Variants in SLC24A2 observed in about 807,000 individuals in gnomAD.
The protein encoded by SLC24A2 is sodium/potassium/calcium exchanger 2.
A neutral mutation model predicts 62.0 loss-of-function variants in SLC24A2; 36 were observed. The ratio of observed to expected loss-of-function variants is 0.58; its 90% CI spans 0.44 to 0.77. The LOEUF is 0.77. SLC24A2 is among the 30% of genes least tolerant of loss of function. The probability of loss-of-function intolerance (pLI) is 0.00; values close to 1 mark genes in which losing one functional copy is unlikely to be tolerated. For synonymous variants in SLC24A2, 358 were observed against 294.0 expected, an observed-to-expected ratio of 1.22 and a Z score of -2.23; for missense variants, 846 against 817.9, an observed-to-expected ratio of 1.03 and a Z score of -0.42.
At chr9:20,284,616 G>C in the SLC24A2 span, among the ~76,000 whole-genome samples, 1 of 152,084 alleles carries the variant, frequency 6.6e-6, no homozygotes, top group Non-Finnish European at 1.5e-5. Flanking sequence ...CAAAAGAAGA[G>C]ATTTTTTTAA....
the SLC24A2 span, among the ~76,000 whole-genome samples, chr9:19,978,341 C>G: frequency 6.6e-6 from 1 of 152,054 alleles, no homozygotes; most frequent in South Asian, 2.1e-4. Flanking sequence ...ATGATAAATT[C>G]TTATGAACTA....
the SLC24A2 span, among the ~76,000 whole-genome samples, chr9:20,032,533 C>G: frequency 6.6e-6 from 1 of 152,084 alleles, no homozygotes; most frequent in Non-Finnish European, 1.5e-5. Context: ...GCCCAAGGGT[C>G]GGGTTACCAT....
At chr9:20,006,938 C>T in the SLC24A2 span, among the ~76,000 whole-genome samples, 9 of 152,124 alleles carry the variant, frequency 5.9e-5, no homozygotes, top group African/African-American at 1.9e-4. Flanking sequence ...AAAGAAAATA[C>T]ATATCAAGGA....
chr9:19,791,593 A>G (rs997278530), upstream of SLC24A2, among the ~76,000 whole-genome samples: 12 of 152,222 alleles, frequency 7.9e-5, no homozygotes, highest in African/African-American at 2.4e-4. Flanking sequence ...GAAGGCTACA[A>G]CTTCCATCCT....
chr9:19,886,050 G>A, the SLC24A2 span, among the ~76,000 whole-genome samples: 2 of 152,156 alleles, frequency 1.3e-5, no homozygotes, highest in Admixed American at 6.5e-5. Flanking sequence ...ATAGTGCTGC[G>A]AGGAACATAT....
chr9:20,230,483 A>G, the SLC24A2 span, among the ~76,000 whole-genome samples: 1 of 152,230 alleles, frequency 6.6e-6, no homozygotes, highest in Non-Finnish European at 1.5e-5. Flanking sequence ...TCTGATGGCC[A>G]GTGATGATGA....
the SLC24A2 span, among the ~76,000 whole-genome samples, chr9:20,119,627 AT>A: frequency 1.3e-5 from 2 of 152,224 alleles, no homozygotes; most frequent in African/African-American, 4.8e-5. Flanking sequence ...AAGAGCAACC[AT>A]AAAAAGCCTA....
intron 10 of SLC24A2, among the ~76,000 whole-genome samples, chr9:19,519,373 G>A (rs1833085010): frequency 6.6e-6 from 1 of 151,780 alleles, no homozygotes; most frequent in African/African-American, 2.4e-5. Context: ...GTGTGTGTGT[G>A]TGTATGTATA....
chr9:20,036,148 C>T, the SLC24A2 span, among the ~76,000 whole-genome samples: 18 of 152,072 alleles, frequency 1.2e-4, no homozygotes, highest in Admixed American at 8.5e-4. Context: ...ACCTCCCAAG[C>T]GGCAATAACA....
the SLC24A2 span, among the ~76,000 whole-genome samples, chr9:20,077,203 A>T: frequency 6.6e-6 from 1 of 151,988 alleles, no homozygotes. Context: ...TGTAGGGTGA[A>T]GGAGTCTAGA....
chr9:19,626,670 C>A (rs996509825), intron 2 of SLC24A2, among the ~76,000 whole-genome samples: 1 of 151,996 alleles, frequency 6.6e-6, no homozygotes, highest in Non-Finnish European at 1.5e-5. Flanking sequence ...ATCCAATATT[C>A]CAATGGACAT....
chr9:20,214,928 T>C, the SLC24A2 span, among the ~76,000 whole-genome samples: 2 of 152,248 alleles, frequency 1.3e-5, no homozygotes, highest in African/African-American at 4.8e-5. Context: ...CTTATTTATA[T>C]AGATACAAAA....
chr9:19,717,932 T>C (rs1263423819), intron 2 of SLC24A2, among the ~76,000 whole-genome samples: 1 of 151,884 alleles, frequency 6.6e-6, no homozygotes, highest in African/African-American at 2.4e-5. Context: ...CTAATCAGAT[T>C]GGGATGTCTA....
At chr9:20,119,750 A>G in the SLC24A2 span, among the ~76,000 whole-genome samples, 2 of 152,192 alleles carry the variant, frequency 1.3e-5, no homozygotes, top group Non-Finnish European at 2.9e-5. Flanking sequence ...AGGAGTTCCC[A>G]TACAGTGCAA....
intron 2 of SLC24A2, among the ~76,000 whole-genome samples, chr9:19,696,002 T>A (rs1480266979): frequency 6.6e-6 from 1 of 152,178 alleles, no homozygotes. Flanking sequence ...GTCTGTGGCC[T>A]GTTAAGAACC....
chr9:19,978,928 A>G, the SLC24A2 span, among the ~76,000 whole-genome samples: 1 of 152,196 alleles, frequency 6.6e-6, no homozygotes, highest in East Asian at 1.9e-4. Flanking sequence ...TCCTGGTGGA[A>G]GAAGACTTAA....
chr9:20,299,978 G>C, the SLC24A2 span, among the ~76,000 whole-genome samples: 1 of 152,174 alleles, frequency 6.6e-6, no homozygotes, highest in Admixed American at 6.5e-5. Context: ...AATTGGACCA[G>C]GATCTGCTTT....
At chr9:20,228,569 G>A in the SLC24A2 span, among the ~76,000 whole-genome samples, 2 of 152,126 alleles carry the variant, frequency 1.3e-5, no homozygotes, top group Non-Finnish European at 2.9e-5. Context: ...TTGCTGTAGG[G>A]TGGGTGCATT....
intron 4 of SLC24A2, 34 bp from the exon 5 acceptor site, chr9:19,597,313 G>A (rs755200300): frequency 5.9e-6 from 8 of 1,359,722 alleles, no homozygotes; most frequent in Non-Finnish European, 8.4e-6. Flanking sequence ...CAAAGATAAG[G>A]AACGAGCTAT....
Sources: allele counts gnomAD v4.1 joint callset (sites outside exome capture counted in the v4.1 genomes callset), GRCh38; gene constraint gnomAD v4.1.1; transcripts MANE v1.5; gene names NCBI Gene and HGNC (gene_info 2026-07-23, HGNC 2026-07-21).